TMEM178A: variants seen among roughly 807,000 people sequenced by gnomAD.
The protein encoded by TMEM178A is transmembrane protein 178.
TMEM178A carries 12 observed loss-of-function variants against 29.1 expected under a neutral mutation model. The observed-to-expected ratio is 0.41, with a 90% CI of 0.26 to 0.67. The LOEUF (loss-of-function observed/expected upper bound fraction) is 0.67, where lower values mean the gene tolerates loss of function less well. Ranked by LOEUF, TMEM178A falls within the 30% of genes least tolerant of loss-of-function variation. The pLI is 0.29. For synonymous variants in TMEM178A, 210 were observed against 187.2 expected (o/e 1.12, Z -0.99); for missense variants, 366 against 419.1 (o/e 0.87, Z 1.11).
At chr2:39,724,608 A>G in the TMEM178A span, among the ~76,000 whole-genome samples, 2 of 152,210 alleles carry the variant, frequency 1.3e-5, no homozygotes, top group Non-Finnish European at 2.9e-5. Flanking sequence ...ACAGTACTTC[A>G]TTTCGTATTT....
chr2:39,698,692 T>G (rs1267005708), intron 1 of TMEM178A, among the ~76,000 whole-genome samples: 1 of 134,246 alleles, frequency 7.4e-6, no homozygotes, highest in Non-Finnish European at 1.6e-5. Context: ...GTTTCCTTCA[T>G]GCTCTATTTT....
intron 3 of TMEM178A, among the ~76,000 whole-genome samples, chr2:39,715,836 T>C (rs924247583): frequency 6.6e-6 from 1 of 152,198 alleles, no homozygotes; most frequent in Non-Finnish European, 1.5e-5. Flanking sequence ...TGCCCTGAAT[T>C]TGTTTTTCTG....
At chr2:39,678,471 G>A (rs1670724582) in intron 1 of TMEM178A, among the ~76,000 whole-genome samples, 1 of 152,142 alleles carries the variant, frequency 6.6e-6, no homozygotes, top group Non-Finnish European at 1.5e-5. Flanking sequence ...GGTGAAAGAA[G>A]TCAGACACCA....
At chr2:39,686,592 G>C (rs1176499056) in intron 1 of TMEM178A, among the ~76,000 whole-genome samples, 1 of 151,846 alleles carries the variant, frequency 6.6e-6, no homozygotes, top group Admixed American at 6.6e-5. Flanking sequence ...GAATGCTGAT[G>C]TGCTGCAGCT....
intron 1 of TMEM178A, among the ~76,000 whole-genome samples, chr2:39,667,023 C>A (rs910458807): frequency 3.3e-5 from 5 of 152,172 alleles, no homozygotes; most frequent in Non-Finnish European, 7.3e-5. Flanking sequence ...AGAGACCAAT[C>A]GTTGGCTGGT....
chr2:39,733,624 A>G, the TMEM178A span, among the ~76,000 whole-genome samples: 1 of 152,174 alleles, frequency 6.6e-6, no homozygotes. Context: ...ATTTATTAGG[A>G]ATATAATGTC....
At chr2:39,686,272 A>G (rs887490036) in intron 1 of TMEM178A, among the ~76,000 whole-genome samples, 3 of 152,204 alleles carry the variant, frequency 2.0e-5, no homozygotes, top group Non-Finnish European at 4.4e-5. Flanking sequence ...GGACTGTGGG[A>G]TGCCCTAGAA....
chr2:39,717,517 GA>G lies in TMEM178A; in HGVS notation c.*269del. 1 of 337,844 alleles carries G rather than the reference GA, an allele frequency of 3.0e-6. No individual in the cohort carries two copies. The highest frequency in any genetic ancestry group is 2.1e-5 in the African/African-American group (1 of 47,566). The allele number at this position is 337,844 out of a possible 1,614,324, so 20.9% of individuals were successfully genotyped here. ...GACATTTCTAGGTGTAGAGAAAGAA[GA>G]AACTGCAATGGAAAAATTTGTATGA... On this transcript the variant is annotated 3_prime_UTR_variant, in exon 4 of 4. Transcript: ENST00000281961.
intron 3 of TMEM178A, among the ~76,000 whole-genome samples, chr2:39,715,830 C>G (rs2540232): frequency 6.6e-6 from 1 of 152,098 alleles, no homozygotes; most frequent in African/African-American, 2.4e-5. Flanking sequence ...GCTGCCTGCC[C>G]TGAATTTGTT....
chr2:39,679,721 T>C (rs1305023815), intron 1 of TMEM178A, among the ~76,000 whole-genome samples: 3 of 152,194 alleles, frequency 2.0e-5, no homozygotes, highest in Non-Finnish European at 4.4e-5. Flanking sequence ...ATTCTATGTA[T>C]GTCCTTTTTC....
At chr2:39,696,120 C>T (rs775106559) in intron 1 of TMEM178A, among the ~76,000 whole-genome samples, 9 of 152,124 alleles carry the variant, frequency 5.9e-5, no homozygotes, top group Non-Finnish European at 1.0e-4. Flanking sequence ...AAACTTCACA[C>T]AGCAAATTTA....
rs183041498 is a variant in TMEM178A, at chr2:39,668,909, A to C, written c.400+2535A>C. 2.8e-3 allele frequency among the ~76,000 whole-genome samples: 432 copies of C among 152,360 alleles called. 4 individuals are homozygous for C. The highest frequency in any genetic ancestry group is 9.7e-3 in the African/African-American group (402 of 41,592). ...TGGCTCAAAGATGATTTTGGCACCC[A>C]TATTAGGCAAACATTATCACCTTTG... On this transcript the variant is annotated intron_variant, in intron 1 of 3. Transcript: ENST00000281961.
chr2:39,717,064 T>C lies in TMEM178A; in HGVS notation c.707T>C (p.Leu236Ser), dbSNP rs1572701435. 1 of 1,610,808 alleles carries C rather than the reference T, an allele frequency of 6.2e-7. No homozygotes were observed. Among genetic ancestry groups the C allele is most frequent in the African/African-American group, 1.4e-5 (1 of 73,588 alleles). Residue 236 changes from leucine to serine, a missense_variant, in exon 4 of 4, where the codon TTG becomes TCG. Around this residue, in one of 2 missense-constraint regions of TMEM178A, gnomAD observed 119 missense variants for 172.2 expected, o/e 0.69. Coordinates refer to ENST00000281961, the MANE Select transcript of TMEM178A (RefSeq NM_152390.3). ...CTYAASISYD[L>S]NRLPKLIYSL... ...TATGCCGCCAGTATCTCGTATGATT[T>C]GAACCGGCTCCCAAAGCTAATTTAT...
At chr2:39,721,987 A>C (rs1045648738), downstream of TMEM178A, among the ~76,000 whole-genome samples, 1 of 14,192 alleles carries the variant, frequency 7.0e-5, no homozygotes, top group Non-Finnish European at 1.5e-4. Context: ...ACCAGTCTCA[A>C]AAAAAAAAAA....
intron 1 of TMEM178A, among the ~76,000 whole-genome samples, chr2:39,696,653 A>T (rs1398834861): frequency 1.3e-5 from 2 of 152,122 alleles, no homozygotes; most frequent in Non-Finnish European, 2.9e-5. Flanking sequence ...TGCCCGCCTC[A>T]TTATTGATTG....
chr2:39,717,115 G>C lies in TMEM178A; in HGVS notation c.758G>C (p.Gly253Ala). The C allele has an allele frequency of 6.2e-7, 1 of 1,612,616 alleles. No individual in the cohort carries two copies. Among genetic ancestry groups the C allele is most frequent in the East Asian group, 2.2e-5 (1 of 44,872 alleles). Reference sequence around the variant, plus strand: ...AGCCTGCCTGCTGATGTGGAACATGGTTACAGCTGGTCCATCTTTTGCGCC... The same window carrying C: ...AGCCTGCCTGCTGATGTGGAACATGCTTACAGCTGGTCCATCTTTTGCGCC... ...IYSLPADVEHGYSWSIFCAWC... is the reference protein window; with the variant it reads ...IYSLPADVEHAYSWSIFCAWC... The change falls in exon 4 of 4, where the codon GGT becomes GCT. Residue 253 changes from glycine (G) to alanine (A), a missense_variant. Physicochemically the swap from Gly to Ala is moderately conservative, Grantham distance 60. This residue lies in a region of TMEM178A where 119 missense variants were observed against 172.2 expected (regional missense o/e 0.69). Coordinates refer to ENST00000281961, the MANE Select transcript of TMEM178A (RefSeq NM_152390.3).
chr2:39,720,741 A>G (rs2716735), downstream of TMEM178A, among the ~76,000 whole-genome samples: 11,239 of 152,240 alleles, frequency 0.074, 1,364 homozygotes, highest in African/African-American at 0.26. Flanking sequence ...AGTCATAGAT[A>G]AACTCTTTTC....
chr2:39,733,408 TGAAC>T, the TMEM178A span, among the ~76,000 whole-genome samples: 1 of 152,202 alleles, frequency 6.6e-6, no homozygotes, highest in African/African-American at 2.4e-5. Flanking sequence ...TGGAATGAGT[TGAAC>T]GAACAAGGTG....
intron 1 of TMEM178A, among the ~76,000 whole-genome samples, chr2:39,691,362 T>C (rs1185958516): frequency 1.3e-5 from 2 of 152,184 alleles, no homozygotes; most frequent in Non-Finnish European, 2.9e-5. Flanking sequence ...CTCAGCAGAC[T>C]CCTGCAGGCC....
Sources: gnomAD v4.1 joint callset for allele counts (sites outside exome capture counted in the v4.1 genomes callset) on GRCh38, gnomAD v4.1.1 for gene constraint, gnomAD v4.1.1 regional missense constraint, MANE v1.5 for transcripts, NCBI Gene and HGNC (gene_info 2026-07-23, HGNC 2026-07-21) for gene names.